The following CAPG variants were observed in gnomAD, a reference collection of about 807,000 sequenced individuals.
CAPG encodes the protein capping actin protein, gelsolin like.
CAPG carries 32 observed loss-of-function variants against 44.6 expected under a neutral mutation model. The observed-to-expected ratio is 0.72, with a 90% CI of 0.54 to 0.96. The LOEUF (loss-of-function observed/expected upper bound fraction) is 0.96, where lower values mean the gene tolerates loss of function less well. CAPG is among the 50% of genes least tolerant of loss of function. The probability of loss-of-function intolerance (pLI) is 0.00; values close to 1 mark genes in which losing one functional copy is unlikely to be tolerated. For missense variants in CAPG, 412 were observed against 438.3 expected, an observed-to-expected ratio of 0.94 and a Z score of 0.54; for synonymous variants, 175 against 179.6, an observed-to-expected ratio of 0.97 and a Z score of 0.20.
At position 85,401,103 on chromosome 2, in the gene CAPG, C is replaced by A. The variant is rs1686859877; in HGVS notation, c.516+62G>T. The A allele has an allele frequency of 9.3e-6, 14 of 1,499,360 alleles. No homozygotes were observed. In the South Asian group the frequency reaches 1.4e-4, roughly 15 times the overall value. The allele number at this position is 1,499,360 out of a possible 1,614,324, so 92.9% of individuals were successfully genotyped here. On this transcript the variant is annotated intron_variant, in intron 5 of 9. Transcript: ENST00000263867. The stretch of plus-strand genomic sequence containing the variant: ...TCTCTCCCTCTTTCCTGGCCTCCTG[C>A]CCCTCCGTCCTTATAAAGGATGGTG...
rs568505465 is a variant in CAPG, at chr2:85,402,215, G to A, written c.-13-57C>T. ...AAATGCCACAAAAAGGACCTCTCAC[G>A]TGGGGCTGGAGAGGCCCTTTCCAGT... On this transcript the variant is annotated intron_variant, in intron 1 of 9. Transcript: ENST00000263867. The A allele has an allele frequency of 1.1e-4, 154 of 1,464,392 alleles. No homozygotes were observed. In the Middle Eastern group the frequency reaches 2.1e-3, roughly 20 times the overall value. 90.7% of individuals were successfully genotyped at this position (1,464,392 alleles called of 1,614,324 possible).
chr2:85,418,974 C>T (rs545328541), upstream of CAPG: 1 of 152,558 alleles, frequency 6.6e-6, no homozygotes, highest in East Asian at 1.9e-4. Context: ...GGGGTTGGGC[C>T]CACAGCCTGC....
downstream of CAPG, chr2:85,394,605 A>C: frequency 2.0e-6 from 1 of 491,672 alleles, no homozygotes; most frequent in Non-Finnish European, 3.7e-6. Flanking sequence ...AGTCCCTGCA[A>C]GCCTGGCTGG....
rs559999221 is a variant in CAPG at position 85,402,535 on chromosome 2, C to T, written c.-13-377G>A. 2.6e-5 allele frequency among the ~76,000 whole-genome samples: 4 copies of T among 152,052 alleles called. No individual in the cohort carries two copies. In the East Asian group the frequency reaches 5.8e-4, roughly 22 times the overall value. The stretch of plus-strand genomic sequence containing the variant: ...AGGCTGGAGTGCAGTGGTGCGATCT[C>T]GCCTCACTGCAACCTCCGCCTCCCG... On this transcript the variant is annotated intron_variant, in intron 1 of 9. Transcript: ENST00000263867.
chr2:85,408,631 C>G (rs1323370082), intron 1 of CAPG: 1 of 152,328 alleles, frequency 6.6e-6, no homozygotes, highest in East Asian at 1.9e-4. Flanking sequence ...GTGCTGGGGG[C>G]TTGGCACTGG....
chr2:85,394,880 A>G lies in CAPG; in HGVS notation c.*13T>C, dbSNP rs948640984. 3 of 1,605,360 alleles carry G rather than the reference A, an allele frequency of 1.9e-6. No individual in the cohort carries two copies. Among genetic ancestry groups the G allele is most frequent in the African/African-American group, 1.3e-5 (1 of 74,894 alleles). Reference sequence around the variant, plus strand: ...GGGGGGCAGGGGAGCATGGGGCAGGAAGACGCCCACCCTCATTTCCAGTCC... The same window carrying G: ...GGGGGGCAGGGGAGCATGGGGCAGGGAGACGCCCACCCTCATTTCCAGTCC... On this transcript the variant is annotated 3_prime_UTR_variant, in exon 10 of 10. Transcript: ENST00000263867.
chr2:85,407,712 CAAAA>C (rs60228110), intron 1 of CAPG, among the ~76,000 whole-genome samples: 10 of 91,148 alleles, frequency 1.1e-4, no homozygotes, highest in East Asian at 3.3e-4. Context: ...GACTCTGTCT[CAAAA>C]AAAAAAAAAA....
intron 1 of CAPG, among the ~76,000 whole-genome samples, chr2:85,417,837 C>T (rs1411674559): frequency 6.6e-6 from 1 of 152,094 alleles, no homozygotes; most frequent in East Asian, 1.9e-4. Context: ...TCCTCCAGTG[C>T]TTTGAGGTCT....
Position 85,399,169 on chromosome 2 carries a change from G to A in CAPG, c.633C>T (p.Val211=). The part of the protein sequence containing the change: ...ERQGKAQVEI[V]TDGEEPAEMI... ...TCTCAGCAGGCTCCTCCCCATCAGT[G>A]ACAATCTCCACCTGGGCCTTGCCCT... is the stretch of plus-strand genomic sequence containing the variant. The change falls in exon 6 of 10, where the codon GTC becomes GTT. Residue 211 remains valine (V), a synonymous_variant. Coordinates refer to ENST00000263867, the MANE Select transcript of CAPG (RefSeq NM_001747.4). 4 of 1,614,194 alleles carry A rather than the reference G, an allele frequency of 2.5e-6. No homozygotes were observed. The highest frequency in any genetic ancestry group is 3.4e-6 in the Non-Finnish European group (4 of 1,180,014).
chr2:85,399,691 T>C lies in CAPG; in HGVS notation c.517-406A>G, dbSNP rs541953251. Among the ~76,000 whole-genome samples the C allele has an allele frequency of 2.6e-5, 4 of 152,080 alleles. No homozygotes were observed. The South Asian group carries it at 8.3e-4, about 32-fold the overall frequency. On this transcript the variant is annotated intron_variant, in intron 5 of 9. Transcript: ENST00000263867. ...TTTTTGTAGAAATGGGGTCCCACTA[T>C]GTTGCCCAGGCTGGTTACAAACCGC...
upstream of CAPG, among the ~76,000 whole-genome samples, chr2:85,414,998 C>T (rs748933488): frequency 6.6e-6 from 1 of 152,292 alleles, no homozygotes; most frequent in African/African-American, 2.4e-5. Context: ...GAGGCAGCTT[C>T]GAAAATCCCA....
rs536926753 is a variant in CAPG at position 85,398,608 on chromosome 2, C to T, written c.759+82G>A. The T allele has an allele frequency of 1.7e-5, 20 of 1,178,974 alleles. No individual in the cohort carries two copies. The South Asian group carries it at 2.5e-4, about 15-fold the overall frequency. 73.0% of individuals were successfully genotyped at this position (1,178,974 alleles called of 1,614,324 possible). ...CCACCTTCCCCCTGCCTTCTCCCCT[C>T]CACCCTGCTTGCATGCAGCTGTGCT... On this transcript the variant is annotated intron_variant, in intron 7 of 9. Transcript: ENST00000263867.
chr2:85,414,566 A>G (rs1687508593), upstream of CAPG, among the ~76,000 whole-genome samples: 1 of 151,040 alleles, frequency 6.6e-6, no homozygotes. Flanking sequence ...AGTAGCTGGG[A>G]CTGCAGGCAT....
rs540080364 is a variant in CAPG, at chr2:85,395,565, C to T, written c.954G>A (p.Ser318=). The T allele has an allele frequency of 6.2e-6, 10 of 1,613,840 alleles. No homozygotes were observed. The highest frequency in any genetic ancestry group is 5.3e-5 in the African/African-American group (4 of 75,022). The part of the protein sequence containing the change: ...AALQVAEGFI[S]RMQYAPNTQV... Reference sequence around the variant, plus strand: ...GAGTGTTCGGGGCGTACTGCATGCGCGAGATGAAGCCCTCGGCCACCTGCA... The same window carrying T: ...GAGTGTTCGGGGCGTACTGCATGCGTGAGATGAAGCCCTCGGCCACCTGCA... The change falls in exon 9 of 10, where the codon TCG becomes TCA. Residue 318 remains serine, a synonymous_variant. Transcript: ENST00000263867. This position sits in a 1 kb window ranked among gnomAD's most constrained non-coding sequence, Gnocchi z 4.3.
intron 1 of CAPG, among the ~76,000 whole-genome samples, chr2:85,417,477 CTTT>C (rs1242085864): frequency 2.0e-5 from 2 of 101,046 alleles, no homozygotes; most frequent in Non-Finnish European, 3.8e-5. Flanking sequence ...TATCTCAGCT[CTTT>C]TTTTTTTTTT....
upstream of CAPG, among the ~76,000 whole-genome samples, chr2:85,411,357 A>C (rs1017986047): frequency 1.3e-5 from 2 of 152,314 alleles, no homozygotes; most frequent in East Asian, 3.9e-4. Context: ...CCTACATCAC[A>C]GTCACTAGAC....
upstream of CAPG, among the ~76,000 whole-genome samples, chr2:85,415,019 G>C (rs1461708779): frequency 6.6e-6 from 1 of 152,188 alleles, no homozygotes; most frequent in East Asian, 1.9e-4. Flanking sequence ...ACCAGAATGA[G>C]TTTCTCTGAA....
At chr2:85,392,519 A>C (rs977894452), downstream of CAPG, among the ~76,000 whole-genome samples, 2 of 152,124 alleles carry the variant, frequency 1.3e-5, no homozygotes, top group Admixed American at 6.5e-5. Flanking sequence ...GAAGACCACT[A>C]TCTGGCCCTG....
intron 1 of CAPG, among the ~76,000 whole-genome samples, chr2:85,402,918 A>C (rs1686973451): frequency 1.3e-5 from 2 of 151,768 alleles, no homozygotes; most frequent in Non-Finnish European, 2.9e-5. Context: ...TTACAGGCCC[A>C]CACCACCACG....
Sources: gnomAD v4.1 joint callset for allele counts (sites outside exome capture counted in the v4.1 genomes callset) on GRCh38, gnomAD v4.1.1 for gene constraint, Gnocchi (gnomAD v3.1) non-coding constraint, MANE v1.5 for transcripts, NCBI Gene and HGNC (gene_info 2026-07-23, HGNC 2026-07-21) for gene names.